Variants in IWS1 observed in about 807,000 individuals in gnomAD.
IWS1 encodes interacts with SUPT6H, CTD assembly factor 1.
In IWS1, 27 loss-of-function variants were observed where a neutral mutation model predicts 86.7. The ratio of observed to expected loss-of-function variants is 0.31; its 90% CI spans 0.23 to 0.43. The LOEUF (loss-of-function observed/expected upper bound fraction) is 0.43. Ranked by LOEUF, IWS1 falls within the 20% of genes least tolerant of loss-of-function variation. The pLI, the probability that IWS1 is intolerant of heterozygous loss-of-function variation, is 1.00. For missense variants in IWS1, 827 were observed against 1,000.8 expected (o/e 0.83, Z 2.34); for synonymous variants, 313 against 335.1 (o/e 0.93, Z 0.72).
chr2:127,505,373 G>C lies in IWS1; in HGVS notation c.530C>G (p.Ala177Gly). Residue 177 changes from alanine to glycine, a missense_variant, in exon 3 of 14, where the codon GCT becomes GGT. Ala to Gly is a moderately conservative substitution (Grantham distance 60, BLOSUM62 0). Transcript: ENST00000295321. This position sits in a 1 kb window ranked among gnomAD's most constrained non-coding sequence, Gnocchi z 5.0. Reference protein sequence around the residue: ...SPASDSETEDALKPQISDSES... With the variant: ...SPASDSETEDGLKPQISDSES... ...AGAGTCACTGATTTGAGGTTTTAGA[G>C]CATCTTCTGTTTCAGAGTCACTAGC... 1 of 1,614,078 alleles carries C rather than the reference G, an allele frequency of 6.2e-7. No individual in the cohort carries two copies. Among genetic ancestry groups the C allele is most frequent in the Non-Finnish European group, 8.5e-7 (1 of 1,179,994 alleles).
chr2:127,486,509 A>T (rs1689939939), intron 13 of IWS1, 44 bp downstream of exon 13: 1 of 1,296,096 alleles, frequency 7.7e-7, no homozygotes, highest in South Asian at 1.2e-5. Context: ...GTCAAACAGT[A>T]ATCTGCAGGT....
intron 13 of IWS1, among the ~76,000 whole-genome samples, chr2:127,483,575 GCGGGGGGTGGT>G (rs1689753340): frequency 2.2e-5 from 1 of 46,044 alleles, no homozygotes; most frequent in Non-Finnish European, 4.3e-5. Context: ...TTTGGTCGGG[GCGGGGGGTGGT>G]GGGGTGGGGG....
intron 8 of IWS1, among the ~76,000 whole-genome samples, chr2:127,493,918 T>A (rs374698276): frequency 6.6e-6 from 1 of 151,436 alleles, no homozygotes; most frequent in Non-Finnish European, 1.5e-5. Flanking sequence ...ATAGAAAAGA[T>A]AACATTATAT....
chr2:127,502,752 A>T (rs1393152396), intron 5 of IWS1, 63 bp downstream of exon 5: 2 of 792,426 alleles, frequency 2.5e-6, no homozygotes, highest in African/African-American at 3.4e-5. Flanking sequence ...TAATGGTATC[A>T]CTGCCATAAA....
chr2:127,506,772 C>G (rs979378304), intron 2 of IWS1: 2 of 168,300 alleles, frequency 1.2e-5, no homozygotes, highest in African/African-American at 4.8e-5. Context: ...TCTAACTATA[C>G]CAACACATAA....
At position 127,499,253 on chromosome 2, in the gene IWS1, G is replaced by C. The variant is rs1342902598; in HGVS notation, c.1468-1016C>G. ...CTACAGGCGCCTGCCACCATGCCCAGCTAATTTTTCGTATTTTTAGTAGAG... is the reference window on the plus strand; with the variant it reads ...CTACAGGCGCCTGCCACCATGCCCACCTAATTTTTCGTATTTTTAGTAGAG... On this transcript the variant is annotated intron_variant, in intron 5 of 13. Transcript: ENST00000295321. This position sits in a 1 kb window ranked among gnomAD's most constrained non-coding sequence, Gnocchi z 4.0. Among the ~76,000 whole-genome samples, 6 of 151,942 alleles carry C rather than the reference G, an allele frequency of 3.9e-5. No individual in the cohort carries two copies. The South Asian group carries it at 1.2e-3, about 32-fold the overall frequency.
At chr2:127,507,267 T>G (rs1047536620) in intron 2 of IWS1, among the ~76,000 whole-genome samples, 1 of 152,196 alleles carries the variant, frequency 6.6e-6, no homozygotes, top group Non-Finnish European at 1.5e-5. Context: ...AAAAAGAATA[T>G]GAAAAATTAT....
chr2:127,504,751 A>C lies in IWS1; in HGVS notation c.1152T>G (p.Gly384=). The change falls in exon 3 of 14, where the codon GGT becomes GGG. Residue 384 remains glycine, a synonymous_variant. Coordinates refer to ENST00000295321, the MANE Select transcript of IWS1 (RefSeq NM_017969.3). ...TTCTCTTCGCTACTTTCTCCTCCTCACCCTCTTTTTCATCTTCATCACTGT... is the reference window on the plus strand; with the variant it reads ...TTCTCTTCGCTACTTTCTCCTCCTCCCCCTCTTTTTCATCTTCATCACTGT... ...KMDSDEDEKE[G]EEEKVAKRKA... The C allele has an allele frequency of 6.2e-7, 1 of 1,613,222 alleles. No homozygotes were observed. Among genetic ancestry groups the C allele is most frequent in the Non-Finnish European group, 8.5e-7 (1 of 1,179,772 alleles).
At chr2:127,503,947 A>T (rs1248906754) in intron 3 of IWS1, among the ~76,000 whole-genome samples, 1 of 152,192 alleles carries the variant, frequency 6.6e-6, no homozygotes, top group Non-Finnish European at 1.5e-5. Flanking sequence ...TAACTGAACT[A>T]AAAAGGACTA....
chr2:127,482,571 C>T (rs951937472), intron 13 of IWS1: 2 of 152,272 alleles, frequency 1.3e-5, no homozygotes, highest in Non-Finnish European at 2.9e-5. Flanking sequence ...GCTTTACCTG[C>T]TCAAATCTCT....
rs6430940 is a variant in IWS1 at position 127,483,576 on chromosome 2, C to A, written c.2329-2401G>T. On this transcript the variant is annotated intron_variant, in intron 13 of 13. Transcript: ENST00000295321. Reference sequence around the variant, plus strand: ...AACCAAAATTATAATTTGGTCGGGGCGGGGGGTGGTGGGGTGGGGGGGTTG... The same window carrying A: ...AACCAAAATTATAATTTGGTCGGGGAGGGGGGTGGTGGGGTGGGGGGGTTG... Among the ~76,000 whole-genome samples the A allele has an allele frequency of 5.8e-5, 2 of 34,430 alleles. 1 individual carries two copies. The highest frequency in any genetic ancestry group is 1.1e-4 in the Non-Finnish European group (2 of 19,018). The allele number at this position is 34,430 out of a possible 152,430, so 22.6% of individuals were successfully genotyped here.
intron 5 of IWS1, among the ~76,000 whole-genome samples, chr2:127,502,223 G>A (rs1038431289): frequency 3.3e-5 from 5 of 152,120 alleles, no homozygotes; most frequent in Non-Finnish European, 4.4e-5. Context: ...GCTCTCTGAA[G>A]TCTCAATCCA....
chr2:127,512,127 G>A (rs948193496), intron 2 of IWS1, among the ~76,000 whole-genome samples: 1 of 152,090 alleles, frequency 6.6e-6, no homozygotes, highest in African/African-American at 2.4e-5. Flanking sequence ...TTTTTCCTGT[G>A]GGACGCTCAG....
intron 10 of IWS1, among the ~76,000 whole-genome samples, chr2:127,491,461 G>A (rs1227611118): frequency 1.5e-5 from 2 of 135,850 alleles, no homozygotes; most frequent in East Asian, 4.3e-4. Flanking sequence ...TTTTTTTTTT[G>A]AGACGGAGTC....
chr2:127,503,788 T>G (rs1339841128), intron 3 of IWS1, among the ~76,000 whole-genome samples: 1 of 152,132 alleles, frequency 6.6e-6, no homozygotes, highest in African/African-American at 2.4e-5. Context: ...ATCTTACAAA[T>G]TATCTGTTAT....
At chr2:127,495,901 A>T (rs981167673) in intron 7 of IWS1, 97 bp downstream of exon 7, 2 of 1,063,844 alleles carry the variant, frequency 1.9e-6, no homozygotes, top group African/African-American at 3.3e-5. Flanking sequence ...AAAGCAAAGC[A>T]TCTTAATTGT....
chr2:127,513,256 C>CA (rs57277209), intron 2 of IWS1, among the ~76,000 whole-genome samples: 22,621 of 151,238 alleles, frequency 0.15, 3,037 homozygotes, highest in African/African-American at 0.35. Context: ...AAATAAAAAA[C>CA]AAAAAAAAGG....
chr2:127,483,615 TGTGTGTGTGC>T (rs1478174875), intron 13 of IWS1, among the ~76,000 whole-genome samples: 4 of 5,346 alleles, frequency 7.5e-4, no homozygotes, highest in African/African-American at 9.8e-4. Flanking sequence ...TGTGTGTGTG[TGTGTGTGTGC>T]GTGTGCGTGT....
At chr2:127,522,792 C>T (rs1692171332) in intron 2 of IWS1, among the ~76,000 whole-genome samples, 2 of 152,168 alleles carry the variant, frequency 1.3e-5, no homozygotes, top group African/African-American at 4.8e-5. Context: ...ATCTTGTTAA[C>T]ATGATGTATA....
Sources: gnomAD v4.1 joint callset for allele counts (sites outside exome capture counted in the v4.1 genomes callset) on GRCh38, gnomAD v4.1.1 for gene constraint, Gnocchi (gnomAD v3.1) non-coding constraint, MANE v1.5 for transcripts, NCBI Gene and HGNC (gene_info 2026-07-23, HGNC 2026-07-21) for gene names.